Variants in PIP4K2A observed in about 807,000 individuals in gnomAD.
PIP4K2A encodes phosphatidylinositol 5-phosphate 4-kinase type-2 alpha.
In PIP4K2A, 14 loss-of-function variants were observed where a neutral mutation model predicts 42.9. The observed-to-expected ratio is 0.33, with a 90% CI of 0.22 to 0.51. PIP4K2A has a LOEUF of 0.51. Ranked by LOEUF, PIP4K2A falls within the 20% of genes least tolerant of loss-of-function variation. The pLI is 0.97. For missense variants in PIP4K2A, 434 were observed against 519.8 expected (o/e 0.83, Z 1.61); for synonymous variants, 192 against 192.2 (o/e 1.00, Z 0.01).
chr10:22,621,721 C>A (rs886176519), intron 1 of PIP4K2A, among the ~76,000 whole-genome samples: 1 of 152,198 alleles, frequency 6.6e-6, no homozygotes, highest in Non-Finnish European at 1.5e-5. Context: ...TGAAACACAT[C>A]ATTAATAAAA....
At chr10:22,559,989 T>C (rs975140177) in intron 6 of PIP4K2A, among the ~76,000 whole-genome samples, 43 of 152,282 alleles carry the variant, frequency 2.8e-4, no homozygotes, top group African/African-American at 9.9e-4. Flanking sequence ...TTTTATAAAA[T>C]GTCTCTGGTC....
At chr10:22,543,738 G>A (rs1028281209) in intron 7 of PIP4K2A, among the ~76,000 whole-genome samples, 5 of 152,232 alleles carry the variant, frequency 3.3e-5, no homozygotes, top group Non-Finnish European at 7.3e-5. Context: ...GGGGGCGGCT[G>A]CGGGGAGAAA....
intron 1 of PIP4K2A, among the ~76,000 whole-genome samples, chr10:22,688,358 C>T (rs548801059): frequency 6.6e-6 from 1 of 152,254 alleles, no homozygotes; most frequent in African/African-American, 2.4e-5. Flanking sequence ...GTGTCTGGCA[C>T]AAAGTTAAGA....
intron 1 of PIP4K2A, among the ~76,000 whole-genome samples, chr10:22,615,953 C>A (rs1320247353): frequency 6.6e-6 from 1 of 152,196 alleles, no homozygotes; most frequent in Non-Finnish European, 1.5e-5. Context: ...TTATGCCGGA[C>A]TTCTTGTTCC....
intron 7 of PIP4K2A, among the ~76,000 whole-genome samples, chr10:22,542,587 C>T (rs1038159380): frequency 1.3e-5 from 2 of 152,220 alleles, no homozygotes; most frequent in Non-Finnish European, 2.9e-5. Context: ...TCCAGGTCAA[C>T]AAGGTGCTTT....
chr10:22,542,181 A>C (rs2130742954), intron 7 of PIP4K2A, 134 bp from the exon 8 acceptor site: 1 of 684,704 alleles, frequency 1.5e-6, no homozygotes, highest in South Asian at 1.8e-5. Flanking sequence ...TGCCTCCTTC[A>C]CGATGCTCTT....
chr10:22,657,006 T>C (rs1588689444), intron 1 of PIP4K2A, among the ~76,000 whole-genome samples: 1 of 152,190 alleles, frequency 6.6e-6, no homozygotes, highest in South Asian at 2.1e-4. Context: ...TCCCTGAGCT[T>C]GAGGAAGCCT....
intron 1 of PIP4K2A, among the ~76,000 whole-genome samples, chr10:22,670,302 CCAGGAAGTTGAGGCTGCAGTGAG>C (rs1839425278): frequency 6.6e-6 from 1 of 152,068 alleles, no homozygotes; most frequent in African/African-American, 2.4e-5. Flanking sequence ...TCGCTTGAGC[CCAGGAAGTTGAGGCTGCAGTGAG>C]CCGTTATGGC....
At chr10:22,624,984 TTAAA>T (rs1445428182) in intron 1 of PIP4K2A, among the ~76,000 whole-genome samples, 1 of 152,334 alleles carries the variant, frequency 6.6e-6, no homozygotes, top group East Asian at 1.9e-4. Flanking sequence ...AATCTATTTG[TTAAA>T]AGTTTAAAAA....
intron 1 of PIP4K2A, among the ~76,000 whole-genome samples, chr10:22,613,296 T>C (rs1278874423): frequency 6.6e-6 from 1 of 151,850 alleles, no homozygotes; most frequent in Non-Finnish European, 1.5e-5. Flanking sequence ...CTAAGGAGCC[T>C]GGCAGGGAAG....
At chr10:22,676,365 C>A (rs927705720) in intron 1 of PIP4K2A, among the ~76,000 whole-genome samples, 1 of 152,148 alleles carries the variant, frequency 6.6e-6, no homozygotes, top group Non-Finnish European at 1.5e-5. Flanking sequence ...GGCCATGTAA[C>A]AGCCCAAAGA....
chr10:22,596,449 C>T (rs1403190934), intron 3 of PIP4K2A, among the ~76,000 whole-genome samples: 10 of 152,300 alleles, frequency 6.6e-5, no homozygotes, highest in Middle Eastern at 3.4e-3. Flanking sequence ...TTCAGGACAA[C>T]GTCAGCTAGA....
intron 1 of PIP4K2A, among the ~76,000 whole-genome samples, chr10:22,686,310 C>T (rs1839763689): frequency 6.6e-6 from 1 of 152,212 alleles, no homozygotes; most frequent in Admixed American, 6.5e-5. Context: ...CTTAACTAAA[C>T]CCCACAAACC....
At chr10:22,584,529 G>A (rs770240571) in intron 4 of PIP4K2A, among the ~76,000 whole-genome samples, 4 of 152,110 alleles carry the variant, frequency 2.6e-5, no homozygotes, top group South Asian at 2.1e-4. Context: ...AAAGGACTGC[G>A]GAACTTCCAG....
At chr10:22,648,104 A>G (rs1299915373) in intron 1 of PIP4K2A, among the ~76,000 whole-genome samples, 1 of 152,196 alleles carries the variant, frequency 6.6e-6, no homozygotes, top group Non-Finnish European at 1.5e-5. Context: ...GCCCTGACTT[A>G]TCTTCCTTCC....
chr10:22,562,075 TC>T (rs536183354), intron 6 of PIP4K2A, among the ~76,000 whole-genome samples: 133 of 152,066 alleles, frequency 8.7e-4, no homozygotes, highest in African/African-American at 3.1e-3. Context: ...GATAGCATTT[TC>T]CCCCCCGATG....
chr10:22,577,156 C>A (rs1168165869), intron 4 of PIP4K2A, among the ~76,000 whole-genome samples: 5 of 151,518 alleles, frequency 3.3e-5, no homozygotes, highest in Admixed American at 6.6e-5. Flanking sequence ...TGCCTGGTAC[C>A]ATGAGCGGTG....
Position 22,665,710 on chromosome 10 carries a change from C to T in PIP4K2A, c.144+48473G>A, listed in dbSNP as rs575650383. On this transcript the variant is annotated intron_variant, in intron 1 of 9. Coordinates refer to ENST00000376573, the MANE Select transcript of PIP4K2A (RefSeq NM_005028.5). ...TCAAGCAATCCTCCCACCTTGGCCT[C>T]CCAAAGTGCTGGGATTACAGATGTG... Among the ~76,000 whole-genome samples the T allele has an allele frequency of 2.6e-5, 4 of 151,696 alleles. No individual in the cohort carries two copies. The South Asian group carries it at 8.3e-4, about 32-fold the overall frequency.
chr10:22,675,028 G>A (rs114323582), intron 1 of PIP4K2A, among the ~76,000 whole-genome samples: 3,065 of 152,036 alleles, frequency 0.02, 112 homozygotes, highest in African/African-American at 0.069. Flanking sequence ...GGTAGCCAAC[G>A]TAACTATTAA....
Sources: gnomAD v4.1 joint callset for allele counts (sites outside exome capture counted in the v4.1 genomes callset) on GRCh38, gnomAD v4.1.1 for gene constraint, MANE v1.5 for transcripts, NCBI Gene and HGNC (gene_info 2026-07-23, HGNC 2026-07-21) for gene names.